NF1: variants seen among roughly 807,000 people sequenced by gnomAD.
NF1 encodes neurofibromin 1.
In NF1, 122 loss-of-function variants were observed where a neutral mutation model predicts 325.7. That is an observed-to-expected ratio of 0.37 (90% confidence interval 0.32 to 0.44). The LOEUF (loss-of-function observed/expected upper bound fraction) is 0.44. Among genes scored for constraint, NF1 ranks in the 20% least tolerant of loss-of-function variants. The probability of loss-of-function intolerance (pLI) is 1.00; values close to 1 mark genes in which losing one functional copy is unlikely to be tolerated. For synonymous variants in NF1, 1,091 were observed against 1,186.0 expected (o/e 0.92, Z 1.65); for missense variants, 2,140 against 3,415.4 (o/e 0.63, Z 9.31).
chr17:31,236,804 G>A (rs2067212099), intron 29 of NF1, among the ~76,000 whole-genome samples: 1 of 151,890 alleles, frequency 6.6e-6, no homozygotes, highest in Non-Finnish European at 1.5e-5. Flanking sequence ...TTGTTACCAG[G>A]TACTACCCAC....
intron 1 of NF1, among the ~76,000 whole-genome samples, chr17:31,110,443 T>C (rs142226863): frequency 3.3e-5 from 5 of 152,310 alleles, no homozygotes; most frequent in African/African-American, 1.2e-4. Flanking sequence ...CCCAGTTCAA[T>C]TCCTGATTGG....
chr17:31,279,928 A>T (rs1194158213), intron 36 of NF1, among the ~76,000 whole-genome samples: 5 of 152,200 alleles, frequency 3.3e-5, no homozygotes, highest in Non-Finnish European at 7.4e-5. Context: ...ATTTAATTTT[A>T]AAAAGATGCT....
At chr17:31,315,825 G>T (rs1321992201) in intron 36 of NF1, among the ~76,000 whole-genome samples, 1 of 152,152 alleles carries the variant, frequency 6.6e-6, no homozygotes, top group South Asian at 2.1e-4. Flanking sequence ...TAACTTCAGG[G>T]TACTTATAGC....
chr17:31,221,341 C>T (rs1169997943), intron 14 of NF1, among the ~76,000 whole-genome samples: 2 of 152,076 alleles, frequency 1.3e-5, no homozygotes, highest in African/African-American at 2.4e-5. Context: ...CTATGAAATA[C>T]TGAATCCATT....
chr17:31,320,007 A>G (rs2069138687), intron 36 of NF1, among the ~76,000 whole-genome samples: 1 of 152,116 alleles, frequency 6.6e-6, no homozygotes, highest in African/African-American at 2.4e-5. Flanking sequence ...AGCTTGCTGG[A>G]AACTAGTACA....
At chr17:31,373,964 A>G (rs770966975) in intron 57 of NF1, 49 bp from the exon 58 acceptor site, 1 of 1,612,506 alleles carries the variant, frequency 6.2e-7, no homozygotes, top group Admixed American at 1.7e-5. Context: ...AATGAAATTC[A>G]GTCCTGGAAG....
intron 36 of NF1, among the ~76,000 whole-genome samples, chr17:31,282,162 C>G (rs187660977): frequency 3.3e-5 from 5 of 151,982 alleles, no homozygotes; most frequent in African/African-American, 1.2e-4. Flanking sequence ...GCAGGTGAAT[C>G]CCGAGGTCAG....
chr17:31,137,442 G>A (rs887914168), intron 1 of NF1: 1 of 152,030 alleles, frequency 6.6e-6, no homozygotes, highest in East Asian at 1.9e-4. Context: ...CAGTTTTTAT[G>A]TAGCTATTGT....
At chr17:31,245,492 A>C (rs747113090) in intron 29 of NF1, among the ~76,000 whole-genome samples, 1 of 152,226 alleles carries the variant, frequency 6.6e-6, no homozygotes, top group African/African-American at 2.4e-5. Flanking sequence ...TCAGATGCCA[A>C]TTACAAGCCC....
At chr17:31,293,585 T>TAGAGTGTTGTTA (rs2068397241) in intron 36 of NF1, among the ~76,000 whole-genome samples, 2 of 152,152 alleles carry the variant, frequency 1.3e-5, no homozygotes, top group African/African-American at 4.8e-5. Flanking sequence ...AAGAACACAT[T>TAGAGTGTTGTTA]AGAGTGTTGT....
intron 36 of NF1, among the ~76,000 whole-genome samples, chr17:31,283,273 T>C (rs1433039281): frequency 2.6e-5 from 4 of 151,812 alleles, no homozygotes; most frequent in Admixed American, 2.6e-4. Context: ...AAAACTTAGC[T>C]GGTCGTGGTG....
At position 31,225,001 on chromosome 17, in the gene NF1, A is replaced by G. The variant is rs1441692728; in HGVS notation, c.1846-94A>G. On this transcript the variant is annotated intron_variant, in intron 16 of 57. Coordinates refer to ENST00000358273, the MANE Select transcript of NF1 (RefSeq NM_001042492.3). ...TAGAGATTGAGAGGAGAGGTTTTTT[A>G]GGAGAGTCTCAAACAGGAAGACAAC... is the stretch of plus-strand genomic sequence containing the variant. 3.6e-6 allele frequency: 5 copies of G among 1,371,058 alleles called. No individual in the cohort carries two copies. In the African/African-American group the frequency reaches 7.1e-5, roughly 20 times the overall value. The allele number at this position is 1,371,058 out of a possible 1,614,324, so 84.9% of individuals were successfully genotyped here.
chr17:31,193,545 G>T lies in NF1; in HGVS notation c.889-6877G>T, dbSNP rs137955951. On this transcript the variant is annotated intron_variant, in intron 8 of 57. Coordinates refer to ENST00000358273, the MANE Select transcript of NF1 (RefSeq NM_001042492.3). ...TTTTCTTTAAAAAATTAACGTTATT[G>T]CAAAGGAAACAATTGGCAGAGTGAA... Among the ~76,000 whole-genome samples the T allele has an allele frequency of 3.4e-3, 510 of 152,140 alleles. 5 individuals carry two copies. Among genetic ancestry groups the T allele is most frequent in the African/African-American group, 0.012 (492 of 41,504 alleles).
chr17:31,330,525 C>G (rs1375170911), intron 39 of NF1, 27 bp downstream of exon 39: 1 of 1,470,798 alleles, frequency 6.8e-7, no homozygotes, highest in Non-Finnish European at 9.5e-7. Flanking sequence ...TTCTTTAATA[C>G]TAACAATTAT....
At chr17:31,337,144 C>T (rs17878601) in intron 42 of NF1, among the ~76,000 whole-genome samples, 11 of 152,060 alleles carry the variant, frequency 7.2e-5, no homozygotes, top group East Asian at 5.8e-4. Context: ...ATCCCATAAG[C>T]GGAATACTCA....
chr17:31,151,040 A>AT (rs1916905125), intron 1 of NF1, among the ~76,000 whole-genome samples: 3 of 100,204 alleles, frequency 3.0e-5, no homozygotes, highest in Non-Finnish European at 8.1e-5. Flanking sequence ...GTCTCAAAAA[A>AT]AAAATAAATA....
In NF1 at chr17:31,138,246, C is replaced by T. The variant is rs372048831; in HGVS notation, c.61-17737C>T. ...AAAATATCTTGACTTTATCTTCCAA[C>T]TCTTTAATGTTTTCTTTCTTTCTTT... On this transcript the variant is annotated intron_variant, in intron 1 of 57. Coordinates refer to ENST00000358273, the MANE Select transcript of NF1 (RefSeq NM_001042492.3). The T allele has an allele frequency of 2.0e-4, 31 of 151,780 alleles. 1 individual carries two copies. Among genetic ancestry groups the T allele is most frequent in the African/African-American group, 6.8e-4 (28 of 41,404 alleles). 9.4% of individuals were successfully genotyped at this position (151,780 alleles called of 1,614,324 possible).
intron 29 of NF1, among the ~76,000 whole-genome samples, chr17:31,237,067 T>C (rs1313067842): frequency 6.6e-6 from 1 of 152,226 alleles, no homozygotes; most frequent in Non-Finnish European, 1.5e-5. Flanking sequence ...TGTCTGTCTT[T>C]CAGTTAGGAC....
At chr17:31,259,353 A>G (rs2067644625) in intron 33 of NF1, among the ~76,000 whole-genome samples, 1 of 152,204 alleles carries the variant, frequency 6.6e-6, no homozygotes. Context: ...TTGAAAACCA[A>G]GAGGGATTTT....
Sources: allele counts gnomAD v4.1 joint callset (sites outside exome capture counted in the v4.1 genomes callset), GRCh38; gene constraint gnomAD v4.1.1; transcripts MANE v1.5; gene names NCBI Gene and HGNC (gene_info 2026-07-23, HGNC 2026-07-21).